Variants in IGF1R observed in about 807,000 individuals in gnomAD.
IGF1R encodes the protein insulin-like growth factor 1 receptor.
Under a neutral mutation model 144.6 loss-of-function variants are expected in IGF1R, and 44 were observed. The observed-to-expected ratio is 0.30, with a 90% confidence interval of 0.24 to 0.39. The LOEUF is 0.39. Among genes scored for constraint, IGF1R ranks in the 10% least tolerant of loss-of-function variants. The pLI, the probability that IGF1R is intolerant of heterozygous loss-of-function variation, is 1.00. For synonymous variants in IGF1R, 795 were observed against 722.8 expected, an observed-to-expected ratio of 1.10 and a Z score of -1.60; for missense variants, 1,355 against 1,833.7, an observed-to-expected ratio of 0.74 and a Z score of 4.77.
chr15:98,690,511 C>T (rs551905944), intron 1 of IGF1R, among the ~76,000 whole-genome samples: 286 of 152,290 alleles, frequency 1.9e-3, no homozygotes, highest in Middle Eastern at 0.01. Context: ...TCTTAGCCAT[C>T]GTTTAAACAC....
rs556743395 is a variant in IGF1R, at chr15:98,842,130, C to T, written c.641-49195C>T. ...TCCTTAGAAAGTTCCAGAACAGACC[C>T]CTTCACCTCTGTCCCCAGAAGCAGA... On this transcript the variant is annotated intron_variant, in intron 2 of 20. Transcript: ENST00000650285. Among the ~76,000 whole-genome samples the T allele has an allele frequency of 5.3e-5, 8 of 152,312 alleles. 1 individual carries two copies. The South Asian group carries it at 1.7e-3, about 32-fold the overall frequency.
At chr15:98,693,393 A>T (rs1389469085) in intron 1 of IGF1R, among the ~76,000 whole-genome samples, 4 of 152,218 alleles carry the variant, frequency 2.6e-5, no homozygotes, top group Non-Finnish European at 4.4e-5. Context: ...GTTCTACAGC[A>T]GGTCCCTGGG....
chr15:98,780,950 T>TA (rs931147857), intron 2 of IGF1R, among the ~76,000 whole-genome samples: 1 of 152,074 alleles, frequency 6.6e-6, no homozygotes, highest in Non-Finnish European at 1.5e-5. Context: ...CTTTGTCTCT[T>TA]AAAAAACAAA....
intron 6 of IGF1R, among the ~76,000 whole-genome samples, chr15:98,910,874 C>T (rs906732064): frequency 1.3e-5 from 2 of 152,206 alleles, no homozygotes; most frequent in Non-Finnish European, 2.9e-5. Context: ...TGGTTGTACA[C>T]GAACAGGCAG....
At position 98,964,103 on chromosome 15, in the gene IGF1R, C is replaced by T. The variant is rs2017332462; in HGVS notation, c.*6661C>T. On this transcript the variant is annotated 3_prime_UTR_variant, in exon 21 of 21. Coordinates refer to ENST00000650285, the MANE Select transcript of IGF1R (RefSeq NM_000875.5). Reference sequence around the variant, plus strand: ...AGGTGAGAGGTTTGCCAGAGTTTGTCTACCTCTGGGTATCCCTTTGTCTGG... The same window carrying T: ...AGGTGAGAGGTTTGCCAGAGTTTGTTTACCTCTGGGTATCCCTTTGTCTGG... 4 of 233,088 alleles carry T rather than the reference C, an allele frequency of 1.7e-5. No individual in the cohort carries two copies. Among genetic ancestry groups the T allele is most frequent in the Non-Finnish European group, 8.5e-6 (1 of 117,838 alleles). 14.4% of individuals were successfully genotyped at this position (233,088 alleles called of 1,614,324 possible).
chr15:98,712,428 A>G (rs969480013), intron 2 of IGF1R, among the ~76,000 whole-genome samples: 7 of 151,830 alleles, frequency 4.6e-5, no homozygotes, highest in Non-Finnish European at 7.4e-5. Context: ...TATGTCAGGA[A>G]TGTGGGTGTC....
intron 10 of IGF1R, among the ~76,000 whole-genome samples, chr15:98,921,552 G>T (rs1171051887): frequency 6.6e-6 from 1 of 152,086 alleles, no homozygotes; most frequent in African/African-American, 2.4e-5. Context: ...AAGCACAGAC[G>T]CTTGGGGTTG....
At chr15:98,945,676 G>A (rs900767916) in intron 19 of IGF1R, among the ~76,000 whole-genome samples, 4 of 152,192 alleles carry the variant, frequency 2.6e-5, no homozygotes, top group Middle Eastern at 3.4e-3. Flanking sequence ...TCTGGCCTTC[G>A]GTTGCTCCAT....
At chr15:98,783,458 C>G (rs1473584098) in intron 2 of IGF1R, among the ~76,000 whole-genome samples, 2 of 152,170 alleles carry the variant, frequency 1.3e-5, no homozygotes, top group African/African-American at 2.4e-5. Context: ...CTTATAGATT[C>G]ATTCAGGTTG....
At chr15:98,671,075 C>T (rs935358969) in intron 1 of IGF1R, among the ~76,000 whole-genome samples, 2 of 152,312 alleles carry the variant, frequency 1.3e-5, no homozygotes, top group African/African-American at 2.4e-5. Context: ...TGGTGTCTCA[C>T]GTTGATGCAA....
chr15:98,755,377 C>G (rs1361597059), intron 2 of IGF1R, among the ~76,000 whole-genome samples: 1 of 152,018 alleles, frequency 6.6e-6, no homozygotes, highest in South Asian at 2.1e-4. Flanking sequence ...CTGTGTTTCA[C>G]TAATGAAACA....
In IGF1R at chr15:98,959,874, T is replaced by A. The variant is rs912837865; in HGVS notation, c.*2432T>A. 4.3e-6 allele frequency: 1 copy of A among 232,438 alleles called. No individual in the cohort carries two copies. 14.4% of individuals were successfully genotyped at this position (232,438 alleles called of 1,614,324 possible). Reference sequence around the variant, plus strand: ...CCCTTTAAAAAAAAAAAAAAGGTATTATATGTAGGAGTTTTCTTTTAATTT... The same window carrying A: ...CCCTTTAAAAAAAAAAAAAAGGTATAATATGTAGGAGTTTTCTTTTAATTT... On this transcript the variant is annotated 3_prime_UTR_variant, in exon 21 of 21. Transcript: ENST00000650285.
At chr15:98,780,953 A>T (rs1375231219) in intron 2 of IGF1R, among the ~76,000 whole-genome samples, 1 of 152,134 alleles carries the variant, frequency 6.6e-6, no homozygotes, top group Non-Finnish European at 1.5e-5. Context: ...TGTCTCTTAA[A>T]AAACAAAACA....
At chr15:98,796,955 G>C (rs529134292) in intron 2 of IGF1R, among the ~76,000 whole-genome samples, 1 of 152,316 alleles carries the variant, frequency 6.6e-6, no homozygotes, top group Admixed American at 6.5e-5. Context: ...TAAAAGCCAT[G>C]GTGCTTGGAT....
intron 7 of IGF1R, among the ~76,000 whole-genome samples, chr15:98,911,942 C>T (rs770997897): frequency 3.9e-4 from 59 of 152,220 alleles, no homozygotes; most frequent in Admixed American, 5.2e-4. Flanking sequence ...TCCAAACAAG[C>T]GAAGAAAAGT....
chr15:98,667,643 TGGATTCCAAA>T (rs2141189631), intron 1 of IGF1R, among the ~76,000 whole-genome samples: 1 of 152,278 alleles, frequency 6.6e-6, no homozygotes, highest in African/African-American at 2.4e-5. Context: ...CTGGACCTGC[TGGATTCCAAA>T]GAAGACTTCG....
intron 1 of IGF1R, among the ~76,000 whole-genome samples, chr15:98,685,385 G>A (rs1445470187): frequency 6.6e-6 from 1 of 152,132 alleles, no homozygotes; most frequent in African/African-American, 2.4e-5. Flanking sequence ...CTTTGTGTGG[G>A]TTCTTACTGG....
Position 98,707,474 on chromosome 15 carries a change from C to A in IGF1R, c.95-88C>A, listed in dbSNP as rs930475461. On this transcript the variant is annotated intron_variant, in intron 1 of 20. Coordinates refer to ENST00000650285, the MANE Select transcript of IGF1R (RefSeq NM_000875.5). This position sits in a 1 kb window ranked among gnomAD's most constrained non-coding sequence, Gnocchi z 6.7. ...ATTTCTTTAATAATAATACAGGATT[C>A]CTGAAAACCAACTGTATTATTGTTT... 1.6e-6 allele frequency: 2 copies of A among 1,278,968 alleles called. No homozygotes were observed. The highest frequency in any genetic ancestry group is 1.5e-5 in the African/African-American group (1 of 67,698). The allele number at this position is 1,278,968 out of a possible 1,614,324, so 79.2% of individuals were successfully genotyped here. A position where few individuals can be genotyped will look rare whatever the true frequency, so the allele number is the denominator to read the frequency against.
intron 2 of IGF1R, among the ~76,000 whole-genome samples, chr15:98,774,452 G>A (rs758657348): frequency 3.3e-5 from 5 of 152,140 alleles, no homozygotes; most frequent in African/African-American, 9.7e-5. Context: ...TTTGACTATC[G>A]AGTTTAGATT....
Sources: gnomAD v4.1 joint callset for allele counts (sites outside exome capture counted in the v4.1 genomes callset) on GRCh38, gnomAD v4.1.1 for gene constraint, Gnocchi (gnomAD v3.1) non-coding constraint, MANE v1.5 for transcripts, NCBI Gene and HGNC (gene_info 2026-07-23, HGNC 2026-07-21) for gene names.